Variants in PCDH15 observed in about 807,000 individuals in gnomAD.
PCDH15 encodes the protein protocadherin-15.
Under a neutral mutation model 178.5 loss-of-function variants are expected in PCDH15, and 129 were observed. The ratio of observed to expected loss-of-function variants is 0.72; its 90% CI spans 0.63 to 0.84. The LOEUF is 0.84. Ranked by LOEUF, PCDH15 falls within the 40% of genes least tolerant of loss-of-function variation. The probability of loss-of-function intolerance (pLI) is 0.00; values close to 1 mark genes in which losing one functional copy is unlikely to be tolerated. For synonymous variants in PCDH15, 800 were observed against 732.0 expected (o/e 1.09, Z -1.50); for missense variants, 2,230 against 2,099.9 (o/e 1.06, Z -1.21).
intron 3 of PCDH15, among the ~76,000 whole-genome samples, chr10:54,523,269 A>G (rs1438247297): frequency 6.6e-6 from 1 of 152,188 alleles, no homozygotes; most frequent in African/African-American, 2.4e-5. Context: ...CACTCAATAT[A>G]TTAGTATATA....
chr10:54,669,323 ATT>A (rs1452115416), intron 1 of PCDH15, among the ~76,000 whole-genome samples: 1 of 151,538 alleles, frequency 6.6e-6, no homozygotes, highest in African/African-American at 2.4e-5. Context: ...ATCATATTAT[ATT>A]TTTCTTTACT....
At chr10:53,913,833 A>C (rs2083322390) in intron 25 of PCDH15, among the ~76,000 whole-genome samples, 1 of 152,216 alleles carries the variant, frequency 6.6e-6, no homozygotes, top group Admixed American at 6.5e-5. Context: ...GGCAACCTAC[A>C]GAATGGGAGA....
intron 8 of PCDH15, among the ~76,000 whole-genome samples, chr10:54,237,182 G>C (rs972115000): frequency 5.3e-5 from 8 of 152,086 alleles, no homozygotes; most frequent in Admixed American, 2.0e-4. Flanking sequence ...CTCCTAAAAG[G>C]AAATCAAGGA....
intron 3 of PCDH15, among the ~76,000 whole-genome samples, chr10:54,411,015 G>A (rs1477647952): frequency 6.6e-6 from 1 of 152,080 alleles, no homozygotes; most frequent in Non-Finnish European, 1.5e-5. Flanking sequence ...GATATATAGA[G>A]TTTAAGTATG....
chr10:55,270,475 G>C (rs539001549), intron 1 of PCDH15, among the ~76,000 whole-genome samples: 1 of 151,184 alleles, frequency 6.6e-6, no homozygotes, highest in Non-Finnish European at 1.5e-5. Context: ...TTAAAAAATG[G>C]GCAAAGGATA....
rs537622793 is a variant in PCDH15 at position 55,561,138 on chromosome 10, G to T, written c.-156+66487C>A. On this transcript the variant is annotated intron_variant, in intron 2 of 5. Transcript: ENST00000613346. ...TGAAAAATACTTTCACAGAACAAAG[G>T]TTAAGAAATTAATCTTCAGAAAGAA... Among the ~76,000 whole-genome samples, 3 of 151,754 alleles carry T rather than the reference G, an allele frequency of 2.0e-5. No individual in the cohort carries two copies. The South Asian group carries it at 6.2e-4, about 31-fold the overall frequency.
chr10:54,297,396 T>G (rs1267507258), intron 8 of PCDH15, among the ~76,000 whole-genome samples: 1 of 152,184 alleles, frequency 6.6e-6, no homozygotes, highest in Non-Finnish European at 1.5e-5. Context: ...GTTACAATAC[T>G]ATCCTGCAGC....
chr10:55,082,753 A>T (rs564670339), intron 2 of PCDH15, among the ~76,000 whole-genome samples: 1 of 151,936 alleles, frequency 6.6e-6, no homozygotes, highest in Non-Finnish European at 1.5e-5. Context: ...AATTCAAAAG[A>T]TAATTAGAGA....
chr10:53,827,708 C>A (rs577749431), intron 31 of PCDH15, among the ~76,000 whole-genome samples, 160 bp from the exon 32 acceptor site: 1 of 152,236 alleles, frequency 6.6e-6, no homozygotes, highest in African/African-American at 2.4e-5. Context: ...AAAAGCATCC[C>A]CACAGGGTAT....
At chr10:55,014,276 C>T (rs879935033) in intron 2 of PCDH15, among the ~76,000 whole-genome samples, 34 of 151,726 alleles carry the variant, frequency 2.2e-4, no homozygotes, top group Non-Finnish European at 4.0e-4. Flanking sequence ...GAAAAATAAA[C>T]GTGTCTATTA....
At chr10:54,962,459 C>T (rs543557142) in intron 2 of PCDH15, among the ~76,000 whole-genome samples, 99 of 151,672 alleles carry the variant, frequency 6.5e-4, no homozygotes, top group African/African-American at 2.3e-3. Flanking sequence ...GAGCTGGTGC[C>T]CTTCTGGGAG....
At chr10:55,356,301 G>A (rs570428366) in intron 2 of PCDH15, among the ~76,000 whole-genome samples, 3 of 151,702 alleles carry the variant, frequency 2.0e-5, no homozygotes, top group East Asian at 3.9e-4. Context: ...GAGTGGCAAG[G>A]AAGAACACAA....
chr10:55,145,427 T>A (rs2589459), intron 2 of PCDH15, among the ~76,000 whole-genome samples: 1 of 151,868 alleles, frequency 6.6e-6, no homozygotes, highest in South Asian at 2.1e-4. Flanking sequence ...TTTCTTTCCT[T>A]GTGTTCAAGA....
At chr10:54,885,803 T>C (rs535544243) in intron 3 of PCDH15, among the ~76,000 whole-genome samples, 1 of 152,178 alleles carries the variant, frequency 6.6e-6, no homozygotes, top group South Asian at 2.1e-4. Flanking sequence ...AAAGGCCAAG[T>C]TCCTACATAT....
intron 2 of PCDH15, among the ~76,000 whole-genome samples, chr10:55,401,466 A>G (rs1279172231): frequency 6.6e-6 from 1 of 152,092 alleles, no homozygotes; most frequent in Non-Finnish European, 1.5e-5. Flanking sequence ...TCCACAGTAC[A>G]TCACTGTATT....
At chr10:54,145,790 A>G (rs1303425454) in intron 14 of PCDH15, among the ~76,000 whole-genome samples, 3 of 152,092 alleles carry the variant, frequency 2.0e-5, no homozygotes, top group African/African-American at 4.8e-5. Context: ...ATCTGTTGAT[A>G]TAAACTTCAT....
At chr10:55,216,896 T>A (rs1840719579) in intron 1 of PCDH15, among the ~76,000 whole-genome samples, 1 of 151,866 alleles carries the variant, frequency 6.6e-6, no homozygotes, top group African/African-American at 2.4e-5. Flanking sequence ...TCCATGTAAG[T>A]AAAGCTTGGT....
At chr10:54,778,677 G>A (rs1949961269) in intron 1 of PCDH15, among the ~76,000 whole-genome samples, 1 of 151,954 alleles carries the variant, frequency 6.6e-6, no homozygotes, top group East Asian at 1.9e-4. Context: ...ATTATTTCAG[G>A]ATTCATTAAA....
At chr10:53,972,231 C>A (rs1426689779) in intron 21 of PCDH15, among the ~76,000 whole-genome samples, 4 of 151,792 alleles carry the variant, frequency 2.6e-5, no homozygotes, top group East Asian at 1.9e-4. Context: ...AACTGGCTAG[C>A]CATATGTAGA....
Sources: allele counts gnomAD v4.1 joint callset (sites outside exome capture counted in the v4.1 genomes callset), GRCh38; gene constraint gnomAD v4.1.1; transcripts MANE v1.5; gene names NCBI Gene and HGNC (gene_info 2026-07-23, HGNC 2026-07-21).